The following DLG2 variants were observed in gnomAD, a reference collection of about 807,000 sequenced individuals.
DLG2 encodes the protein discs large MAGUK scaffold protein 2.
A neutral mutation model predicts 132.5 loss-of-function variants in DLG2; 45 were observed. The ratio of observed to expected loss-of-function variants is 0.34; its 90% CI spans 0.27 to 0.44. The LOEUF (loss-of-function observed/expected upper bound fraction) is 0.44. Ranked by LOEUF, DLG2 falls within the 20% of genes least tolerant of loss-of-function variation. The pLI, the probability that DLG2 is intolerant of heterozygous loss-of-function variation, is 1.00. For synonymous variants in DLG2, 424 were observed against 419.6 expected, an observed-to-expected ratio of 1.01 and a Z score of -0.13; for missense variants, 1,045 against 1,196.9, an observed-to-expected ratio of 0.87 and a Z score of 1.87.
At chr11:84,578,654 T>C (rs1372052860) in intron 6 of DLG2, among the ~76,000 whole-genome samples, 2 of 152,206 alleles carry the variant, frequency 1.3e-5, no homozygotes, top group African/African-American at 4.8e-5. Flanking sequence ...CTTTTGACTT[T>C]ACAGGCTCAT....
intron 17 of DLG2, among the ~76,000 whole-genome samples, chr11:83,807,817 G>C (rs935128747): frequency 5.9e-5 from 9 of 152,114 alleles, no homozygotes; most frequent in Admixed American, 2.6e-4. Flanking sequence ...GGAAAACTGA[G>C]GCACAGAAAG....
intron 18 of DLG2, among the ~76,000 whole-genome samples, chr11:83,782,390 AG>A (rs1358096715): frequency 7.2e-5 from 11 of 152,220 alleles, no homozygotes; most frequent in African/African-American, 2.7e-4. Flanking sequence ...GAGTGACAGA[AG>A]GGTCTATCAC....
In DLG2 at chr11:84,811,979, C is replaced by T. The variant is rs545158975; in HGVS notation, c.358-277248G>A. Among the ~76,000 whole-genome samples the T allele has an allele frequency of 2.2e-3, 338 of 152,168 alleles. 1 individual carries two copies. Among genetic ancestry groups the T allele is most frequent in the African/African-American group, 7.8e-3 (323 of 41,532 alleles). On this transcript the variant is annotated intron_variant, in intron 6 of 27. Transcript: ENST00000376104. ...AGGCACAAGGGTGTCGTGGAATGCT[C>T]CCAGAGAACATGGCCCCAGAACTGA...
At chr11:83,574,896 A>G (rs932891378) in intron 19 of DLG2, among the ~76,000 whole-genome samples, 1 of 152,244 alleles carries the variant, frequency 6.6e-6, no homozygotes, top group Non-Finnish European at 1.5e-5. Flanking sequence ...GGAGATTCTG[A>G]TAGCACAGCT....
At chr11:84,931,410 A>C (rs1434216073) in intron 6 of DLG2, among the ~76,000 whole-genome samples, 1 of 152,160 alleles carries the variant, frequency 6.6e-6, no homozygotes, top group South Asian at 2.1e-4. Flanking sequence ...AAGTGAGAGC[A>C]TGCAGTATTT....
At chr11:85,467,646 C>A (rs2092837254) in intron 3 of DLG2, among the ~76,000 whole-genome samples, 1 of 152,178 alleles carries the variant, frequency 6.6e-6, no homozygotes, top group African/African-American at 2.4e-5. Context: ...AGCCTTGCAT[C>A]CCAGGGATGA....
At chr11:84,063,676 C>A (rs111861359) in intron 10 of DLG2, among the ~76,000 whole-genome samples, 2 of 151,900 alleles carry the variant, frequency 1.3e-5, no homozygotes, top group East Asian at 1.9e-4. Flanking sequence ...ATGTTTATTG[C>A]GGCACTATTC....
intron 6 of DLG2, among the ~76,000 whole-genome samples, chr11:84,557,507 T>A (rs1469465516): frequency 6.6e-6 from 1 of 152,218 alleles, no homozygotes; most frequent in Non-Finnish European, 1.5e-5. Context: ...GCTTAGTTTA[T>A]ATCTATTTTG....
At chr11:85,512,352 G>A (rs1394389941) in intron 3 of DLG2, among the ~76,000 whole-genome samples, 2 of 152,128 alleles carry the variant, frequency 1.3e-5, no homozygotes, top group African/African-American at 2.4e-5. Context: ...CTATGCTGAA[G>A]TTAACTGTAG....
At chr11:85,262,614 A>G (rs187182399) in intron 4 of DLG2, among the ~76,000 whole-genome samples, 2 of 152,334 alleles carry the variant, frequency 1.3e-5, no homozygotes, top group Non-Finnish European at 2.9e-5. Context: ...GAAGGTCTTC[A>G]GGACTCAGAT....
chr11:85,181,102 C>G (rs886918962), intron 4 of DLG2, among the ~76,000 whole-genome samples: 3 of 151,544 alleles, frequency 2.0e-5, no homozygotes, highest in Non-Finnish European at 4.4e-5. Flanking sequence ...TTTTTATTCA[C>G]CTAGCACTTC....
At chr11:84,631,807 G>T (rs978258009) in intron 6 of DLG2, among the ~76,000 whole-genome samples, 1 of 152,142 alleles carries the variant, frequency 6.6e-6, no homozygotes, top group African/African-American at 2.4e-5. Flanking sequence ...AAAAATGATG[G>T]ATTTAGGAGA....
intron 19 of DLG2, among the ~76,000 whole-genome samples, chr11:83,577,779 T>A (rs1320279889): frequency 7.9e-6 from 1 of 126,484 alleles, no homozygotes; most frequent in African/African-American, 3.0e-5. Context: ...AAATATTAAA[T>A]ATATTATATT....
chr11:83,741,326 A>G lies in DLG2; in HGVS notation c.1825+45364T>C, dbSNP rs185437642. 2.9e-3 allele frequency among the ~76,000 whole-genome samples: 440 copies of G among 152,284 alleles called. 3 individuals carry two copies. Among genetic ancestry groups the G allele is most frequent in the African/African-American group, 0.01 (429 of 41,560 alleles). On this transcript the variant is annotated intron_variant, in intron 18 of 27. Transcript: ENST00000376104. ...CAGGACAATCAGGGAAGAGAAAGAA[A>G]TAAAAGGTACCCAAATAGGAAAAGA...
chr11:83,902,203 T>C (rs1238829164), intron 15 of DLG2, among the ~76,000 whole-genome samples: 2 of 152,210 alleles, frequency 1.3e-5, no homozygotes, highest in Non-Finnish European at 2.9e-5. Flanking sequence ...TGTTCTTTCA[T>C]GCCACTAGGC....
At chr11:85,081,764 C>T (rs527664475) in intron 6 of DLG2, among the ~76,000 whole-genome samples, 3 of 152,264 alleles carry the variant, frequency 2.0e-5, no homozygotes, top group African/African-American at 7.2e-5. Flanking sequence ...TTCCATTATT[C>T]TTAGATGTGC....
chr11:85,242,433 T>C (rs190086605), intron 4 of DLG2, among the ~76,000 whole-genome samples: 23 of 152,076 alleles, frequency 1.5e-4, no homozygotes, highest in Admixed American at 1.5e-3. Flanking sequence ...CTATCTTTCT[T>C]AATTCTTACT....
intron 6 of DLG2, chr11:84,923,666 C>G: frequency 1.2e-6 from 1 of 851,860 alleles, no homozygotes; most frequent in Non-Finnish European, 1.4e-6. Flanking sequence ...GTGCAGCACC[C>G]TGTTTGGCAA....
chr11:84,405,153 T>A (rs564046409), intron 7 of DLG2, among the ~76,000 whole-genome samples: 1 of 152,148 alleles, frequency 6.6e-6, no homozygotes, highest in Admixed American at 6.5e-5. Context: ...AAAGAAACAA[T>A]TGTTTCAATA....
Sources: allele counts gnomAD v4.1 joint callset (sites outside exome capture counted in the v4.1 genomes callset), GRCh38; gene constraint gnomAD v4.1.1; transcripts MANE v1.5; gene names NCBI Gene and HGNC (gene_info 2026-07-23, HGNC 2026-07-21).